The following WDR72 variants were observed in gnomAD, a reference collection of about 807,000 sequenced individuals.
WDR72 encodes WD repeat-containing protein 72.
Under a neutral mutation model 124.2 loss-of-function variants are expected in WDR72, and 120 were observed. The observed-to-expected ratio is 0.97, with a 90% CI of 0.83 to 1.12. WDR72 has a LOEUF of 1.12. Ranked by LOEUF, WDR72 falls within the 50% of genes most tolerant of loss-of-function variation. WDR72 has a pLI of 0.00. For missense variants in WDR72, 1,387 were observed against 1,278.8 expected (o/e 1.08, Z -1.29); for synonymous variants, 452 against 441.7 (o/e 1.02, Z -0.29).
intron 18 of WDR72, among the ~76,000 whole-genome samples, chr15:53,571,863 T>C (rs892552634): frequency 2.0e-5 from 3 of 152,088 alleles, no homozygotes; most frequent in African/African-American, 7.2e-5. Flanking sequence ...TTCCCTTTTG[T>C]CCACATCCTT....
At chr15:53,675,358 A>G (rs1278708419) in intron 13 of WDR72, among the ~76,000 whole-genome samples, 1 of 144,898 alleles carries the variant, frequency 6.9e-6, no homozygotes, top group African/African-American at 2.6e-5. Flanking sequence ...AAAAAAAAAA[A>G]TCTACTATGA....
At position 53,632,404 on chromosome 15, in the gene WDR72, C is replaced by G. The variant is rs180933962; in HGVS notation, c.1963-16161G>C. Among the ~76,000 whole-genome samples the G allele has an allele frequency of 3.5e-3, 532 of 152,078 alleles. 5 individuals are homozygous for G. Among genetic ancestry groups the G allele is most frequent in the African/African-American group, 0.012 (507 of 41,484 alleles). The stretch of plus-strand genomic sequence containing the variant: ...GATCTCAGAGGCCATATGGAAACAC[C>G]TGGATGTCCAAGCAGAAGTCTGCCG... On this transcript the variant is annotated intron_variant, in intron 14 of 19. Transcript: ENST00000360509.
chr15:53,669,835 A>C (rs1310665923), intron 13 of WDR72, among the ~76,000 whole-genome samples: 1 of 152,218 alleles, frequency 6.6e-6, no homozygotes, highest in Non-Finnish European at 1.5e-5. Flanking sequence ...ATATTAAAGA[A>C]ATATAAGAAA....
At chr15:53,646,157 T>G (rs1392162506) in intron 14 of WDR72, among the ~76,000 whole-genome samples, 2 of 152,174 alleles carry the variant, frequency 1.3e-5, no homozygotes, top group East Asian at 3.8e-4. Context: ...GAAATTAATT[T>G]TGCAGTCATT....
rs779581189 is a variant in WDR72 at position 53,690,733 on chromosome 15, C to G, written c.1765+9017G>C. Among the ~76,000 whole-genome samples, 16 of 152,072 alleles carry G rather than the reference C, an allele frequency of 1.1e-4. 1 individual carries two copies. The highest frequency in any genetic ancestry group is 2.2e-4 in the Non-Finnish European group (15 of 68,014). ...GATGGACATTTAGGTTGTTTCTGTA[C>G]TTTGGCCATTATGAATAATTCTACT... On this transcript the variant is annotated intron_variant, in intron 13 of 19. Coordinates refer to ENST00000360509, the MANE Select transcript of WDR72 (RefSeq NM_182758.4).
chr15:53,607,287 A>G (rs1468356536), intron 17 of WDR72, among the ~76,000 whole-genome samples: 21 of 152,140 alleles, frequency 1.4e-4, no homozygotes. Context: ...TTACAAAACT[A>G]TAGTAACCAA....
chr15:53,526,263 T>C (rs1192654943), intron 18 of WDR72, among the ~76,000 whole-genome samples: 2 of 152,012 alleles, frequency 1.3e-5, no homozygotes, highest in African/African-American at 4.8e-5. Flanking sequence ...ACATGGTTTT[T>C]AGTAGTGCAG....
chr15:53,590,683 C>T (rs8037360), intron 18 of WDR72, among the ~76,000 whole-genome samples: 1,648 of 152,068 alleles, frequency 0.011, 39 homozygotes, highest in African/African-American at 0.038. Flanking sequence ...GTTTGATTCC[C>T]CGCTCTGCCA....
At chr15:53,680,936 T>C (rs887804488) in intron 13 of WDR72, among the ~76,000 whole-genome samples, 1 of 152,196 alleles carries the variant, frequency 6.6e-6, no homozygotes, top group Non-Finnish European at 1.5e-5. Context: ...GCAACATTAT[T>C]TGCAGCACAG....
At chr15:53,598,440 G>C (rs1467345547) in intron 17 of WDR72, among the ~76,000 whole-genome samples, 1 of 151,846 alleles carries the variant, frequency 6.6e-6, no homozygotes, top group South Asian at 2.1e-4. Context: ...GTGACCTAGA[G>C]ATGCTTTGGC....
chr15:53,654,225 G>T (rs903713136), intron 14 of WDR72, among the ~76,000 whole-genome samples: 3 of 152,104 alleles, frequency 2.0e-5, no homozygotes, highest in African/African-American at 7.2e-5. Flanking sequence ...AACCACAAGA[G>T]GGCTGCAAAA....
chr15:53,615,710 A>C lies in WDR72; in HGVS notation c.2496T>G (p.Ile832Met), dbSNP rs2013731204. Residue 832 changes from isoleucine to methionine, a missense_variant, in exon 15 of 20, where the codon ATT becomes ATG. Coordinates refer to ENST00000360509, the MANE Select transcript of WDR72 (RefSeq NM_182758.4). The stretch of plus-strand genomic sequence containing the variant: ...GTGAGAAATTATCTTCATTCAAAGA[A>C]ATTCCCAAAGAAATAGGACCCTGAA... ...LKLQGPISLG[I>M]SLNEDNFSLM... The C allele has an allele frequency of 6.2e-7, 1 of 1,612,304 alleles. No individual in the cohort carries two copies. The highest frequency in any genetic ancestry group is 1.3e-5 in the African/African-American group (1 of 74,722).
At chr15:53,644,086 A>G (rs966292806) in intron 14 of WDR72, among the ~76,000 whole-genome samples, 3 of 152,168 alleles carry the variant, frequency 2.0e-5, no homozygotes, top group Non-Finnish European at 2.9e-5. Flanking sequence ...GATTTGATGA[A>G]AACAGTGTAT....
intron 14 of WDR72, among the ~76,000 whole-genome samples, chr15:53,662,713 C>T (rs1567012161): frequency 6.6e-6 from 1 of 151,966 alleles, no homozygotes; most frequent in Non-Finnish European, 1.5e-5. Context: ...GAATGGGAAA[C>T]TTATAAGCAC....
chr15:53,677,896 A>C (rs929164265), intron 13 of WDR72, among the ~76,000 whole-genome samples: 11 of 152,202 alleles, frequency 7.2e-5, no homozygotes, highest in African/African-American at 2.7e-4. Flanking sequence ...TAATTCTTAA[A>C]ACAATCCCGT....
At chr15:53,557,283 G>C (rs1893965734) in intron 18 of WDR72, among the ~76,000 whole-genome samples, 1 of 152,044 alleles carries the variant, frequency 6.6e-6, no homozygotes, top group South Asian at 2.1e-4. Context: ...GTTGTGTTCA[G>C]CATTTATTAA....
At chr15:53,541,435 G>A (rs368294930) in intron 18 of WDR72, among the ~76,000 whole-genome samples, 1 of 151,478 alleles carries the variant, frequency 6.6e-6, no homozygotes, top group African/African-American at 2.4e-5. Flanking sequence ...TGAGGGTCCT[G>A]TCTGTTAGAA....
intron 9 of WDR72, 91 bp from the exon 10 acceptor site, chr15:53,706,165 G>T: frequency 7.6e-7 from 1 of 1,322,466 alleles, no homozygotes; most frequent in Non-Finnish European, 1.1e-6. Flanking sequence ...CTTAATAACT[G>T]AATAAATCTT....
intron 18 of WDR72, among the ~76,000 whole-genome samples, chr15:53,544,622 C>T (rs1336011707): frequency 6.7e-6 from 1 of 148,580 alleles, no homozygotes; most frequent in Non-Finnish European, 1.5e-5. Flanking sequence ...TGCCCTCTCT[C>T]ACCACTCCTA....
Sources: gnomAD v4.1 joint callset for allele counts (sites outside exome capture counted in the v4.1 genomes callset) on GRCh38, gnomAD v4.1.1 for gene constraint, MANE v1.5 for transcripts, NCBI Gene and HGNC (gene_info 2026-07-23, HGNC 2026-07-21) for gene names.